RASA2: variants seen among roughly 807,000 people sequenced by gnomAD.
RASA2 encodes the protein ras GTPase-activating protein 2.
Under a neutral mutation model 118.2 loss-of-function variants are expected in RASA2, and 155 were observed. The observed-to-expected ratio is 1.31, with a 90% CI of 1.15 to 1.50. The LOEUF is 1.50. RASA2 is among the 40% of genes most tolerant of loss of function. RASA2 has a pLI of 0.00. For missense variants in RASA2, 1,016 were observed against 1,009.6 expected, an observed-to-expected ratio of 1.01 and a Z score of -0.09; for synonymous variants, 353 against 349.1, an observed-to-expected ratio of 1.01 and a Z score of -0.12.
At chr3:141,531,400 G>T (rs946870938) in intron 4 of RASA2, among the ~76,000 whole-genome samples, 2 of 151,014 alleles carry the variant, frequency 1.3e-5, no homozygotes, top group African/African-American at 4.9e-5. Flanking sequence ...TTATTTGATG[G>T]TGTGTGTGTG....
At position 141,515,968 on chromosome 3, in the gene RASA2, A is replaced by T. The variant is rs146880397; in HGVS notation, c.252-360A>T. ...CGCAAAGACAAAAAAACCAAACACC[A>T]CATGTTCTCACTCATAGGTGGGAAC... On this transcript the variant is annotated intron_variant, in intron 2 of 23. Coordinates refer to ENST00000286364, the MANE Select transcript of RASA2 (RefSeq NM_006506.5). Among the ~76,000 whole-genome samples the T allele has an allele frequency of 4.2e-3, 619 of 146,594 alleles. 5 individuals are homozygous for T. Among genetic ancestry groups the T allele is most frequent in the African/African-American group, 0.015 (589 of 39,852 alleles).
At position 141,608,743 on chromosome 3, in the gene RASA2, T is replaced by C. The variant is rs569548132; in HGVS notation, c.2225+46T>C. On this transcript the variant is annotated intron_variant, in intron 21 of 23. Transcript: ENST00000286364. ...AAAAGCAGTGTGTCAAAATTTGATA[T>C]ATCCATGCAATGTTAATATTATTTG... 1.3e-3 allele frequency: 2,020 copies of C among 1,540,138 alleles called. 43 individuals are homozygous for C. In the South Asian group the frequency reaches 0.022, roughly 17 times the overall value.
intron 5 of RASA2, among the ~76,000 whole-genome samples, chr3:141,543,347 A>T (rs2151104486): frequency 6.6e-6 from 1 of 152,260 alleles, no homozygotes; most frequent in African/African-American, 2.4e-5. Flanking sequence ...CCCCATTTGT[A>T]ATATACTTTG....
intron 19 of RASA2, among the ~76,000 whole-genome samples, chr3:141,587,061 G>A (rs1293920192): frequency 6.6e-6 from 1 of 152,162 alleles, no homozygotes; most frequent in Non-Finnish European, 1.5e-5. Flanking sequence ...TAGAACATGG[G>A]AGTTTCTTTA....
At position 141,571,010 on chromosome 3, in the gene RASA2, T is replaced by G; in HGVS notation, c.962T>G (p.Leu321Arg). Residue 321 changes from leucine (L) to arginine (R), a missense_variant, in exon 10 of 24, where the codon CTT becomes CGT. This residue lies in a region of RASA2 where 896 missense variants were observed against 836.4 expected (regional missense o/e 1.07). Coordinates refer to ENST00000286364, the MANE Select transcript of RASA2 (RefSeq NM_006506.5). ...LNICYTEDYVLPSEYYGPLKT... is the reference protein window; with the variant it reads ...LNICYTEDYVRPSEYYGPLKT... The stretch of plus-strand genomic sequence containing the variant: ...ATATGTTATACAGAAGACTACGTGC[T>G]TCCTTCAGAGTACTATGGTCCTTTG... 1 of 1,612,676 alleles carries G rather than the reference T, an allele frequency of 6.2e-7. No individual in the cohort carries two copies. The highest frequency in any genetic ancestry group is 8.5e-7 in the Non-Finnish European group (1 of 1,179,414).
At chr3:141,534,350 C>T (rs1442809614) in intron 4 of RASA2, among the ~76,000 whole-genome samples, 1 of 152,038 alleles carries the variant, frequency 6.6e-6, no homozygotes, top group African/African-American at 2.4e-5. Context: ...GCTTGGGCAA[C>T]ATAGCAAGAC....
chr3:141,568,727 A>T (rs559657955), intron 9 of RASA2, among the ~76,000 whole-genome samples: 1 of 152,106 alleles, frequency 6.6e-6, no homozygotes, highest in Non-Finnish European at 1.5e-5. Context: ...CACTACAAAA[A>T]GAATCTCCAT....
chr3:141,496,471 A>G (rs562704473), intron 1 of RASA2, among the ~76,000 whole-genome samples: 18 of 152,362 alleles, frequency 1.2e-4, no homozygotes, highest in African/African-American at 4.1e-4. Flanking sequence ...CAAATTTACA[A>G]GAAAAAAACA....
intron 9 of RASA2, among the ~76,000 whole-genome samples, chr3:141,570,629 A>G (rs2082903001): frequency 6.6e-6 from 1 of 152,154 alleles, no homozygotes. Flanking sequence ...TTTTTTCTAA[A>G]CCTGCAAGCT....
intron 3 of RASA2, among the ~76,000 whole-genome samples, chr3:141,522,121 T>A (rs1577677855): frequency 6.7e-6 from 1 of 148,994 alleles, no homozygotes; most frequent in Non-Finnish European, 1.5e-5. Context: ...AATGTATGGA[T>A]TTTTTTTTTG....
chr3:141,544,072 C>A (rs1286363944), intron 5 of RASA2, among the ~76,000 whole-genome samples: 1 of 151,856 alleles, frequency 6.6e-6, no homozygotes, highest in Non-Finnish European at 1.5e-5. Flanking sequence ...AACAGGGTTT[C>A]GCCATATTGG....
In RASA2 at chr3:141,586,561, G is replaced by T. The variant is rs532246770; in HGVS notation, c.1827-85G>T. 10 of 855,268 alleles carry T rather than the reference G, an allele frequency of 1.2e-5. No individual in the cohort carries two copies. The East Asian group carries it at 2.7e-4, about 23-fold the overall frequency. The allele number at this position is 855,268 out of a possible 1,614,324, so 53.0% of individuals were successfully genotyped here. On this transcript the variant is annotated intron_variant, in intron 18 of 23. Transcript: ENST00000286364. The stretch of plus-strand genomic sequence containing the variant: ...AATATAATCTTACACTACTATTCAT[G>T]TCATTTAAAGTTAAAGGATACTTCT...
rs1343655188 is a variant in RASA2 at position 141,613,592 on chromosome 3, G to C, written c.*1279G>C. 6.6e-6 allele frequency: 1 copy of C among 152,050 alleles called. No homozygotes were observed. The highest frequency in any genetic ancestry group is 2.4e-5 in the African/African-American group (1 of 41,406). The allele number at this position is 152,050 out of a possible 1,614,324, so 9.4% of individuals were successfully genotyped here. A position where few individuals can be genotyped will look rare whatever the true frequency, so the allele number is the denominator to read the frequency against. On this transcript the variant is annotated 3_prime_UTR_variant, in exon 24 of 24. Coordinates refer to ENST00000286364, the MANE Select transcript of RASA2 (RefSeq NM_006506.5). ...TAATTCAAAACATTTTCTAAATGTG[G>C]TACTTTGAACCTTGGAGTATTTACA...
chr3:141,574,042 G>GCAT lies in RASA2; in HGVS notation c.1460_1461insTCA (p.Arg486_Gln487insHis). Reference sequence around the variant, plus strand: ...TGTGTGATATCTTTTATTCTCTAAGGCAGATGGCTACTCAGAGATTTCCTA... The same window carrying GCAT: ...TGTGTGATATCTTTTATTCTCTAAGGCATCAGATGGCTACTCAGAGATTTCCTA... On this transcript the variant is annotated inframe_insertion, in exon 14 of 24. Transcript: ENST00000286364. 1 of 1,523,454 alleles carries GCAT rather than the reference G, an allele frequency of 6.6e-7. No homozygotes were observed. Among genetic ancestry groups the GCAT allele is most frequent in the Non-Finnish European group, 8.9e-7 (1 of 1,129,214 alleles). 94.4% of individuals were successfully genotyped at this position (1,523,454 alleles called of 1,614,324 possible).
Position 141,572,694 on chromosome 3 carries a change from A to G in RASA2, c.1255A>G (p.Lys419Glu). The G allele has an allele frequency of 6.2e-7, 1 of 1,612,008 alleles. No homozygotes were observed. The highest frequency in any genetic ancestry group is 8.5e-7 in the Non-Finnish European group (1 of 1,178,338). ...MMKIVGGHYL[K>E]VTLKPILDEI... ...GAAAATAGTGGGAGGGCACTACCTG[A>G]AAGTAACATTAAAACCTATTCTTGA... The change falls in exon 12 of 24, where the codon AAA becomes GAA. Residue 419 changes from lysine (K) to glutamate (E), a missense_variant. Physicochemically the swap from Lys to Glu is moderately conservative, Grantham distance 56. Around this residue, in one of 2 missense-constraint regions of RASA2, gnomAD observed 896 missense variants for 836.4 expected, o/e 1.07. Coordinates refer to ENST00000286364, the MANE Select transcript of RASA2 (RefSeq NM_006506.5).
intron 9 of RASA2, among the ~76,000 whole-genome samples, chr3:141,562,908 T>C (rs2151121948): frequency 6.6e-6 from 1 of 152,220 alleles, no homozygotes; most frequent in Admixed American, 6.5e-5. Context: ...CCTGACCTCT[T>C]GATCCCCCCG....
intron 19 of RASA2, among the ~76,000 whole-genome samples, chr3:141,602,827 T>G (rs1018271934): frequency 5.3e-5 from 8 of 152,174 alleles, no homozygotes; most frequent in African/African-American, 1.4e-4. Flanking sequence ...TCACAGCAAA[T>G]TGACGTCTCC....
At chr3:141,547,843 G>A (rs1483907393) in intron 5 of RASA2, among the ~76,000 whole-genome samples, 1 of 152,112 alleles carries the variant, frequency 6.6e-6, no homozygotes, top group Non-Finnish European at 1.5e-5. Flanking sequence ...CTTTTATTGT[G>A]TTGAGGTTTG....
intron 15 of RASA2, 127 bp from the exon 16 acceptor site, chr3:141,580,241 T>C: frequency 1.6e-6 from 1 of 633,540 alleles, no homozygotes; most frequent in Non-Finnish European, 2.6e-6. Context: ...AGATTTTAAC[T>C]GTGTGTGTTT....
Sources: allele counts gnomAD v4.1 joint callset (sites outside exome capture counted in the v4.1 genomes callset), GRCh38; gene constraint gnomAD v4.1.1; regional missense constraint gnomAD v4.1.1; transcripts MANE v1.5; gene names NCBI Gene and HGNC (gene_info 2026-07-23, HGNC 2026-07-21).